Variants in ANK2 observed in about 807,000 individuals in gnomAD.
ANK2 encodes ankyrin-2.
A neutral mutation model predicts 360.5 loss-of-function variants in ANK2; 83 were observed. The ratio of observed to expected loss-of-function variants is 0.23; its 90% CI spans 0.19 to 0.28. The LOEUF (loss-of-function observed/expected upper bound fraction) is 0.28, where lower values mean the gene tolerates loss of function less well. ANK2 is among the 10% of genes least tolerant of loss of function. The pLI, the probability that ANK2 is intolerant of heterozygous loss-of-function variation, is 1.00. For synonymous variants in ANK2, 1,740 were observed against 1,759.5 expected (o/e 0.99, Z 0.28); for missense variants, 4,201 against 4,795.7 (o/e 0.88, Z 3.66).
chr4:113,324,193 A>G (rs1290321004), intron 26 of ANK2, among the ~76,000 whole-genome samples: 1 of 148,286 alleles, frequency 6.7e-6, no homozygotes, highest in Admixed American at 6.6e-5. Context: ...GGCACTTAGC[A>G]GAGAGTTTTT....
chr4:112,900,366 A>G (rs147884750), intron 1 of ANK2, among the ~76,000 whole-genome samples: 58 of 151,870 alleles, frequency 3.8e-4, no homozygotes, highest in African/African-American at 1.3e-3. Flanking sequence ...TTTTTTCTCA[A>G]TTGGTTTGTT....
At chr4:112,995,180 T>G (rs1353249833) in intron 2 of ANK2, among the ~76,000 whole-genome samples, 1 of 152,242 alleles carries the variant, frequency 6.6e-6, no homozygotes, top group African/African-American at 2.4e-5. Flanking sequence ...CTTTGTGATG[T>G]CTCCAAACTG....
the ANK2 span, among the ~76,000 whole-genome samples, chr4:112,737,203 G>T: frequency 6.6e-6 from 1 of 152,180 alleles, no homozygotes; most frequent in African/African-American, 2.4e-5. Context: ...ATAGTAAATA[G>T]TTCATATTCA....
the ANK2 span, chr4:112,788,334 T>A: frequency 1.9e-6 from 3 of 1,549,438 alleles, no homozygotes; most frequent in South Asian, 1.1e-5. Context: ...TTCCTCTTGA[T>A]AATGCACTAA....
intron 1 of ANK2, among the ~76,000 whole-genome samples, chr4:112,867,004 T>G (rs950221234): frequency 2.0e-5 from 3 of 152,108 alleles, no homozygotes; most frequent in Non-Finnish European, 4.4e-5. Flanking sequence ...GTCTATTTCC[T>G]AGACTCATGC....
At chr4:113,265,988 G>C (rs2055773198) in intron 14 of ANK2, among the ~76,000 whole-genome samples, 1 of 152,212 alleles carries the variant, frequency 6.6e-6, no homozygotes, top group Non-Finnish European at 1.5e-5. Flanking sequence ...TTTAAGTTCT[G>C]GGATATATGT....
intron 1 of ANK2, among the ~76,000 whole-genome samples, chr4:113,054,388 G>A (rs1469133112): frequency 2.0e-5 from 3 of 152,150 alleles, no homozygotes; most frequent in Non-Finnish European, 2.9e-5. Context: ...AGATGAAGGA[G>A]GAAAGTGTTG....
chr4:112,804,893 T>A, the ANK2 span, among the ~76,000 whole-genome samples: 3 of 151,684 alleles, frequency 2.0e-5, no homozygotes, highest in South Asian at 6.3e-4. Context: ...GCCCTGGAGT[T>A]CAAGGCTGTC....
At chr4:112,948,097 T>C (rs1448039165) in intron 2 of ANK2, among the ~76,000 whole-genome samples, 3 of 152,200 alleles carry the variant, frequency 2.0e-5, no homozygotes, top group Non-Finnish European at 2.9e-5. Flanking sequence ...CTGTTCAAAT[T>C]AGAAATCAGA....
intron 1 of ANK2, chr4:113,146,053 A>G (rs1396578433): frequency 3.1e-6 from 4 of 1,287,446 alleles, no homozygotes; most frequent in East Asian, 5.5e-5. Flanking sequence ...TGGCATAAGA[A>G]TCAACAGTAG....
chr4:112,860,291 A>C (rs1287387953), intron 1 of ANK2, among the ~76,000 whole-genome samples: 2 of 151,706 alleles, frequency 1.3e-5, no homozygotes, highest in Admixed American at 6.6e-5. Flanking sequence ...CAGTGGTGTG[A>C]TCTTGGCTCA....
chr4:113,291,454 C>T (rs1231129389), intron 20 of ANK2, among the ~76,000 whole-genome samples: 2 of 110,720 alleles, frequency 1.8e-5, no homozygotes, highest in Non-Finnish European at 4.3e-5. Flanking sequence ...GGATGTGCCA[C>T]ACTTAGAGAC....
intron 1 of ANK2, among the ~76,000 whole-genome samples, chr4:113,118,713 T>C (rs1429723072): frequency 1.3e-5 from 2 of 152,214 alleles, no homozygotes; most frequent in Non-Finnish European, 2.9e-5. Context: ...TCAAAAGTAT[T>C]ATTAGCCATT....
intron 4 of ANK2, among the ~76,000 whole-genome samples, chr4:113,202,578 T>G (rs2098846027): frequency 6.6e-6 from 1 of 152,246 alleles, no homozygotes. Context: ...TTTGGCAAAC[T>G]TCCGAGTTAT....
At chr4:113,176,805 GGT>G (rs2098226185) in intron 2 of ANK2, among the ~76,000 whole-genome samples, 1 of 151,774 alleles carries the variant, frequency 6.6e-6, no homozygotes, top group African/African-American at 2.4e-5. Flanking sequence ...ACAGGCCCTG[GGT>G]GTGTGATATT....
In ANK2 at chr4:113,278,567, C is replaced by G. The variant is rs200659747; in HGVS notation, c.1881+9C>G. ...CTCATGCCACTGCCAAGGTGAGGAC[C>G]ACAGAAAAGGATTTACAGGCATAGG... On this transcript the variant is annotated intron_variant, in intron 17 of 45. Transcript: ENST00000357077. 1 of 1,612,638 alleles carries G rather than the reference C, an allele frequency of 6.2e-7. No individual in the cohort carries two copies. The highest frequency in any genetic ancestry group is 2.2e-5 in the East Asian group (1 of 44,848).
intron 1 of ANK2, among the ~76,000 whole-genome samples, chr4:113,138,532 GTT>G (rs2096526416): frequency 6.6e-6 from 1 of 152,122 alleles, no homozygotes; most frequent in South Asian, 2.1e-4. Flanking sequence ...TTGAACTTAG[GTT>G]TGTTATTGAC....
At chr4:113,081,104 T>A (rs2082237400) in intron 1 of ANK2, among the ~76,000 whole-genome samples, 1 of 152,256 alleles carries the variant, frequency 6.6e-6, no homozygotes, top group South Asian at 2.1e-4. Context: ...GATCATTTTG[T>A]ATATTTTAAA....
intron 45 of ANK2, chr4:113,373,688 A>C: frequency 1.4e-6 from 1 of 692,860 alleles, no homozygotes; most frequent in South Asian, 1.4e-5. Context: ...AAAAATATCT[A>C]TTCTTTATTT....
Sources: allele counts gnomAD v4.1 joint callset (sites outside exome capture counted in the v4.1 genomes callset), GRCh38; gene constraint gnomAD v4.1.1; transcripts MANE v1.5; gene names NCBI Gene and HGNC (gene_info 2026-07-23, HGNC 2026-07-21).